The following NRG1 variants were observed in gnomAD, a reference collection of about 807,000 sequenced individuals.
NRG1 encodes the protein neuregulin 1, also known as pro-neuregulin-1, membrane-bound isoform.
A neutral mutation model predicts 63.8 loss-of-function variants in NRG1; 18 were observed. That is an observed-to-expected ratio of 0.28 (90% confidence interval 0.19 to 0.42). The LOEUF is 0.42. Among genes scored for constraint, NRG1 ranks in the 10% least tolerant of loss-of-function variants. NRG1 has a pLI of 1.00. For synonymous variants in NRG1, 302 were observed against 301.3 expected, an observed-to-expected ratio of 1.00 and a Z score of -0.02; for missense variants, 762 against 814.7, an observed-to-expected ratio of 0.94 and a Z score of 0.79.
chr8:31,979,009 T>G (rs372089640), intron 1 of NRG1, among the ~76,000 whole-genome samples: 2 of 152,180 alleles, frequency 1.3e-5, no homozygotes, highest in South Asian at 4.1e-4. Context: ...TTTGATAACC[T>G]ATGTGATAAA....
At chr8:31,686,847 C>A (rs1808945074) in intron 1 of NRG1, among the ~76,000 whole-genome samples, 1 of 152,098 alleles carries the variant, frequency 6.6e-6, no homozygotes, top group Non-Finnish European at 1.5e-5. Context: ...CTGCTCACTG[C>A]AACCTCCGCT....
intron 1 of NRG1, among the ~76,000 whole-genome samples, chr8:32,004,224 A>T (rs1018874319): frequency 9.9e-5 from 15 of 151,870 alleles, no homozygotes; most frequent in Admixed American, 5.3e-4. Context: ...GGATTCAGGG[A>T]CTGGTTGAGG....
At chr8:32,156,216 G>A (rs1255476795) in intron 1 of NRG1, among the ~76,000 whole-genome samples, 4 of 152,090 alleles carry the variant, frequency 2.6e-5, no homozygotes, top group African/African-American at 9.7e-5. Context: ...AGTTCCCCGG[G>A]GTTAGAATGC....
At chr8:31,873,677 A>G (rs892370880) in intron 1 of NRG1, among the ~76,000 whole-genome samples, 2 of 152,242 alleles carry the variant, frequency 1.3e-5, no homozygotes, top group East Asian at 3.8e-4. Flanking sequence ...CTGAATGCCT[A>G]TAAAAGACTA....
chr8:32,465,638 C>T lies in NRG1; in HGVS notation c.38-130190C>T, dbSNP rs540280708. ...CAATATGTATTAAAATTTTCAAAAACACTTATACTCTCGAATCCAGCAGTT... is the reference window on the plus strand; with the variant it reads ...CAATATGTATTAAAATTTTCAAAAATACTTATACTCTCGAATCCAGCAGTT... On this transcript the variant is annotated intron_variant, in intron 1 of 10. Transcript: ENST00000519301. 9.2e-5 allele frequency among the ~76,000 whole-genome samples: 14 copies of T among 152,280 alleles called. 2 individuals carry two copies. The South Asian group carries it at 2.9e-3, about 32-fold the overall frequency.
At chr8:32,363,767 A>G (rs1454387107) in intron 1 of NRG1, among the ~76,000 whole-genome samples, 1 of 152,136 alleles carries the variant, frequency 6.6e-6, no homozygotes, top group Non-Finnish European at 1.5e-5. Flanking sequence ...AATAGTCGAA[A>G]ACTTTAGAAT....
rs748285731 is a variant in NRG1, at chr8:32,234,959, A to T, written c.38-360869A>T. Among the ~76,000 whole-genome samples, 83 of 152,130 alleles carry T rather than the reference A, an allele frequency of 5.5e-4. No individual in the cohort carries two copies. The Middle Eastern group carries it at 0.014, about 25-fold the overall frequency. The stretch of plus-strand genomic sequence containing the variant: ...CTTTCCAGGACAAGTATGTTGTAAG[A>T]ATTAATTAATAGTCTTAGAACCATT... On this transcript the variant is annotated intron_variant, in intron 1 of 10. Transcript: ENST00000519301.
At chr8:32,685,879 A>G (rs560722258) in intron 5 of NRG1, among the ~76,000 whole-genome samples, 5 of 152,332 alleles carry the variant, frequency 3.3e-5, no homozygotes, top group African/African-American at 1.2e-4. Flanking sequence ...GAACCTGAAG[A>G]AAGTGACTCA....
chr8:31,694,233 C>T (rs113953799), intron 1 of NRG1, among the ~76,000 whole-genome samples: 26 of 152,216 alleles, frequency 1.7e-4, no homozygotes, highest in African/African-American at 6.3e-4. Flanking sequence ...AATCATCTTG[C>T]TCTCTCTCTT....
chr8:32,649,722 AG>A (rs892333969), intron 5 of NRG1, among the ~76,000 whole-genome samples: 3 of 152,214 alleles, frequency 2.0e-5, no homozygotes, highest in Non-Finnish European at 4.4e-5. Context: ...AGAAAAAAAA[AG>A]TCTTGTTTTC....
intron 1 of NRG1, among the ~76,000 whole-genome samples, chr8:32,106,165 T>G (rs1323385095): frequency 6.6e-6 from 1 of 152,230 alleles, no homozygotes; most frequent in Non-Finnish European, 1.5e-5. Context: ...ATCTTGCCTG[T>G]GTCTCTAATT....
At chr8:31,816,791 T>C (rs1007246946) in intron 1 of NRG1, among the ~76,000 whole-genome samples, 5 of 152,182 alleles carry the variant, frequency 3.3e-5, no homozygotes, top group African/African-American at 1.2e-4. Context: ...GCCAAATGAA[T>C]GCCATTGCCT....
chr8:31,886,749 G>A (rs1039063478), intron 1 of NRG1, among the ~76,000 whole-genome samples: 2 of 152,088 alleles, frequency 1.3e-5, no homozygotes, highest in South Asian at 2.1e-4. Context: ...TCAATGATTC[G>A]AATGCATGCT....
At chr8:32,725,159 G>T (rs149654929) in intron 5 of NRG1, among the ~76,000 whole-genome samples, 12 of 152,042 alleles carry the variant, frequency 7.9e-5, no homozygotes. Context: ...TTGGAATGTT[G>T]GTTTTGTTGT....
downstream of NRG1, among the ~76,000 whole-genome samples, chr8:32,769,899 C>G (rs781320420): frequency 4.6e-5 from 7 of 152,120 alleles, no homozygotes; most frequent in Admixed American, 3.3e-4. Context: ...TGCTTCAAAA[C>G]TTTATTCATC....
At chr8:32,140,490 C>T (rs972102546) in intron 1 of NRG1, among the ~76,000 whole-genome samples, 1 of 151,320 alleles carries the variant, frequency 6.6e-6, no homozygotes, top group Non-Finnish European at 1.5e-5. Context: ...TGAGAAAAGA[C>T]CTCACTCTGT....
At chr8:31,663,050 T>G (rs1285679785) in intron 1 of NRG1, among the ~76,000 whole-genome samples, 1 of 152,158 alleles carries the variant, frequency 6.6e-6, no homozygotes, top group African/African-American at 2.4e-5. Flanking sequence ...CCCTCTTGTC[T>G]TCCGTGCTCA....
chr8:32,347,671 G>T (rs1229567512), intron 1 of NRG1, among the ~76,000 whole-genome samples: 1 of 152,164 alleles, frequency 6.6e-6, no homozygotes, highest in African/African-American at 2.4e-5. Flanking sequence ...TGGAAAACAT[G>T]AAGTTGTGTA....
intron 1 of NRG1, among the ~76,000 whole-genome samples, chr8:31,739,086 C>T (rs573910902): frequency 6.6e-6 from 1 of 152,190 alleles, no homozygotes; most frequent in South Asian, 2.1e-4. Flanking sequence ...GATGCACCAA[C>T]ATAGATGCAA....
Sources: gnomAD v4.1 joint callset for allele counts (sites outside exome capture counted in the v4.1 genomes callset) on GRCh38, gnomAD v4.1.1 for gene constraint, MANE v1.5 for transcripts, NCBI Gene and HGNC (gene_info 2026-07-23, HGNC 2026-07-21) for gene names.